MPP4: variants seen among roughly 807,000 people sequenced by gnomAD.
The protein encoded by MPP4 is MAGUK p55 subfamily member 4.
In MPP4, 91 loss-of-function variants were observed where a neutral mutation model predicts 98.3. The ratio of observed to expected loss-of-function variants is 0.93; its 90% CI spans 0.78 to 1.10. The LOEUF (loss-of-function observed/expected upper bound fraction) is 1.10. Ranked by LOEUF, MPP4 falls within the 50% of genes least tolerant of loss-of-function variation. The probability of loss-of-function intolerance (pLI) is 0.00; values close to 1 mark genes in which losing one functional copy is unlikely to be tolerated. For missense variants in MPP4, 744 were observed against 792.9 expected (o/e 0.94, Z 0.74); for synonymous variants, 261 against 271.8 (o/e 0.96, Z 0.39).
intron 14 of MPP4, among the ~76,000 whole-genome samples, chr2:201,661,843 G>A (rs555139605): frequency 2.1e-4 from 32 of 152,214 alleles, no homozygotes; most frequent in African/African-American, 7.2e-4. Context: ...CCACAGACCC[G>A]CAAACACTCC....
At chr2:201,694,944 A>G (rs1689138874) in intron 1 of MPP4, among the ~76,000 whole-genome samples, 1 of 152,122 alleles carries the variant, frequency 6.6e-6, no homozygotes, top group South Asian at 2.1e-4. Context: ...ATCAGATTTA[A>G]TACCAGTCTT....
intron 12 of MPP4, among the ~76,000 whole-genome samples, chr2:201,668,819 C>T (rs1574615972): frequency 6.6e-6 from 1 of 152,082 alleles, no homozygotes; most frequent in South Asian, 2.1e-4. Flanking sequence ...CTTAACAGTG[C>T]AGCCTGTAAC....
intron 4 of MPP4, 46 bp downstream of exon 4, chr2:201,690,156 G>T: frequency 7.8e-7 from 1 of 1,283,474 alleles, no homozygotes; most frequent in Non-Finnish European, 1.1e-6. Flanking sequence ...GGGGAAAATG[G>T]CACCACATCA....
rs756370062 is a variant in MPP4 at position 201,645,176 on chromosome 2, A to G, written c.*34T>C. The G allele has an allele frequency of 1.3e-6, 2 of 1,567,472 alleles. No homozygotes were observed. Among genetic ancestry groups the G allele is most frequent in the South Asian group, 2.3e-5 (2 of 85,424 alleles). ...AACTATGGATCGCTGTATCAAGGGT[A>G]CAGTGTTAAAACTCCAGCATTAAAC... On this transcript the variant is annotated 3_prime_UTR_variant, in exon 22 of 22. Coordinates refer to ENST00000409474, the MANE Select transcript of MPP4 (RefSeq NM_033066.3).
At chr2:201,680,033 C>T (rs1688622197) in intron 10 of MPP4, 1 of 152,200 alleles carries the variant, frequency 6.6e-6, no homozygotes, top group Non-Finnish European at 1.5e-5. Flanking sequence ...GTTGGTCATT[C>T]CTTCTCAATA....
intron 12 of MPP4, 146 bp from the exon 13 acceptor site, chr2:201,666,518 C>A: frequency 1.8e-6 from 1 of 546,630 alleles, no homozygotes; most frequent in Non-Finnish European, 3.1e-6. Context: ...ATCAAGAGTT[C>A]GAGACCAACT....
At position 201,664,610 on chromosome 2, in the gene MPP4, C is replaced by A. The variant is rs140740271; in HGVS notation, c.1052-509G>T. Among the ~76,000 whole-genome samples, 197 of 152,192 alleles carry A rather than the reference C, an allele frequency of 1.3e-3. 1 individual carries two copies. The highest frequency in any genetic ancestry group is 4.5e-3 in the African/African-American group (188 of 41,500). ...AGAAGGATGTGAGATAAACCAACTT[C>A]CGCATTAGTTAAAACAACTCTTGTT... On this transcript the variant is annotated intron_variant, in intron 13 of 21. Coordinates refer to ENST00000409474, the MANE Select transcript of MPP4 (RefSeq NM_033066.3).
intron 20 of MPP4, among the ~76,000 whole-genome samples, chr2:201,648,818 G>T (rs1326675473): frequency 1.3e-5 from 2 of 152,196 alleles, no homozygotes; most frequent in Admixed American, 6.5e-5. Flanking sequence ...AGCACTTTGG[G>T]AGGCTGAGGC....
chr2:201,693,111 T>C (rs1689085817), intron 2 of MPP4, 82 bp from the exon 3 acceptor site: 1 of 1,500,158 alleles, frequency 6.7e-7, no homozygotes, highest in Non-Finnish European at 9.0e-7. Context: ...GGGCATGCCA[T>C]GGGGTCTCAC....
At chr2:201,676,645 A>G (rs1470775227) in intron 10 of MPP4, among the ~76,000 whole-genome samples, 1 of 152,250 alleles carries the variant, frequency 6.6e-6, no homozygotes, top group African/African-American at 2.4e-5. Context: ...CACGCCTGTA[A>G]TCCCAGCACT....
At chr2:201,669,635 A>T in intron 12 of MPP4, 98 bp downstream of exon 12, 1 of 758,976 alleles carries the variant, frequency 1.3e-6, no homozygotes, top group Non-Finnish European at 1.9e-6. Flanking sequence ...GAAGAGCTTA[A>T]TAAATAGCTG....
At chr2:201,684,811 G>C (rs1473437169) in intron 7 of MPP4, among the ~76,000 whole-genome samples, 1 of 151,876 alleles carries the variant, frequency 6.6e-6, no homozygotes, top group East Asian at 1.9e-4. Flanking sequence ...TTAGCCGGGC[G>C]TGGTGGCGGG....
chr2:201,680,928 T>C lies in MPP4; in HGVS notation c.839A>G (p.Asp280Gly). The C allele has an allele frequency of 6.2e-7, 1 of 1,613,826 alleles. No homozygotes were observed. The highest frequency in any genetic ancestry group is 2.2e-5 in the East Asian group (1 of 44,872). The change falls in exon 10 of 22, where the codon GAC becomes GGC. Residue 280 changes from aspartate to glycine, a missense_variant. Physicochemically the swap from Asp to Gly is moderately conservative, Grantham distance 94. Transcript: ENST00000409474. ...FQKGDILQIV[D>G]QNDALWWQAR... ...CTGCCACCAGAGGGCATCATTCTGG[T>C]CCACAATCTGGAGGATGTCCCCCTT... is the stretch of plus-strand genomic sequence containing the variant.
At position 201,667,250 on chromosome 2, in the gene MPP4, A is replaced by T. The variant is rs920327995; in HGVS notation, c.1013-878T>A. 5.3e-5 allele frequency among the ~76,000 whole-genome samples: 8 copies of T among 152,232 alleles called. No individual in the cohort carries two copies. In the East Asian group the frequency reaches 1.5e-3, roughly 29 times the overall value. On this transcript the variant is annotated intron_variant, in intron 12 of 21. Transcript: ENST00000409474. Reference sequence around the variant, plus strand: ...TGTCATCTGCTTCTCTCCTTCACGCATCTTACGCTACCATTAGAGTGGACA... The same window carrying T: ...TGTCATCTGCTTCTCTCCTTCACGCTTCTTACGCTACCATTAGAGTGGACA...
chr2:201,688,437 AAT>A (rs1283117204), intron 4 of MPP4, among the ~76,000 whole-genome samples: 2 of 152,152 alleles, frequency 1.3e-5, no homozygotes, highest in Non-Finnish European at 2.9e-5. Flanking sequence ...GCTAGGAGGG[AAT>A]ACAATTTTAG....
intron 18 of MPP4, chr2:201,650,846 C>T: frequency 1.0e-6 from 1 of 985,338 alleles, no homozygotes; most frequent in Non-Finnish European, 1.2e-6. Context: ...AGTCTAGATT[C>T]AGTCTGATTC....
chr2:201,662,793 T>C (rs114797753), intron 14 of MPP4, among the ~76,000 whole-genome samples: 356 of 152,160 alleles, frequency 2.3e-3, no homozygotes, highest in African/African-American at 8.4e-3. Context: ...AAAGATAATA[T>C]GCCAAAGCAA....
chr2:201,664,622 A>T (rs1188471954), intron 13 of MPP4, among the ~76,000 whole-genome samples: 1 of 152,230 alleles, frequency 6.6e-6, no homozygotes, highest in Admixed American at 6.5e-5. Flanking sequence ...GCATTAGTTA[A>T]AACAACTCTT....
chr2:201,647,744 A>G lies in MPP4; in HGVS notation c.1666T>C (p.Ser556Pro). 1 of 1,613,904 alleles carries G rather than the reference A, an allele frequency of 6.2e-7. No individual in the cohort carries two copies. Among genetic ancestry groups the G allele is most frequent in the Non-Finnish European group, 8.5e-7 (1 of 1,179,852 alleles). Residue 556 changes from serine (S) to proline (P), a missense_variant, in exon 21 of 22, where the codon TCT becomes CCT. Ser to Pro is a moderately conservative substitution (Grantham distance 74, BLOSUM62 -1). Transcript: ENST00000409474. Reference sequence around the variant, plus strand: ...GTAATAACCTTGGCATTTTTCCGAGATTGTTTCATACACCTCATATTCGAT... The same window carrying G: ...GTAATAACCTTGGCATTTTTCCGAGGTTGTTTCATACACCTCATATTCGAT... ...KPSNMRCMKQ[S>P]RKNAKVITDY...
Sources: allele counts gnomAD v4.1 joint callset (sites outside exome capture counted in the v4.1 genomes callset), GRCh38; gene constraint gnomAD v4.1.1; transcripts MANE v1.5; gene names NCBI Gene and HGNC (gene_info 2026-07-23, HGNC 2026-07-21).